Variants in ATP11B observed in about 807,000 individuals in gnomAD.
ATP11B encodes the protein ATPase phospholipid transporting 11B (putative).
Under a neutral mutation model 157.8 loss-of-function variants are expected in ATP11B, and 81 were observed. The ratio of observed to expected loss-of-function variants is 0.51; its 90% CI spans 0.43 to 0.62. The LOEUF (loss-of-function observed/expected upper bound fraction) is 0.62, where lower values mean the gene tolerates loss of function less well. Among genes scored for constraint, ATP11B ranks in the 20% least tolerant of loss-of-function variants. The pLI is 0.00. For synonymous variants in ATP11B, 451 were observed against 469.4 expected, an observed-to-expected ratio of 0.96 and a Z score of 0.51; for missense variants, 1,165 against 1,402.2, an observed-to-expected ratio of 0.83 and a Z score of 2.70.
Position 182,866,379 on chromosome 3 carries a change from C to T in ATP11B, c.1555C>T (p.Pro519Ser), listed in dbSNP as rs748520546. The T allele has an allele frequency of 1.2e-6, 2 of 1,613,814 alleles. No homozygotes were observed. Among genetic ancestry groups the T allele is most frequent in the Non-Finnish European group, 1.7e-6 (2 of 1,179,834 alleles). Residue 519 changes from proline to serine, a missense_variant, in exon 14 of 30, where the codon CCA becomes TCA. Pro to Ser is a moderately conservative substitution (Grantham distance 74). Coordinates refer to ENST00000323116, the MANE Select transcript of ATP11B (RefSeq NM_014616.3). Reference sequence around the variant, plus strand: ...TGGTCCCTGGCAATCCAACCTGGCACCATCGCAGTTGGAGTACTATGCATC... The same window carrying T: ...TGGTCCCTGGCAATCCAACCTGGCATCATCGCAGTTGGAGTACTATGCATC... ...GDGPWQSNLAPSQLEYYASSP... is the reference protein window; with the variant it reads ...GDGPWQSNLASSQLEYYASSP...
chr3:182,889,962 A>T (rs1723066935), intron 25 of ATP11B, among the ~76,000 whole-genome samples: 1 of 152,200 alleles, frequency 6.6e-6, no homozygotes, highest in Admixed American at 6.5e-5. Context: ...CCCATTTTTC[A>T]GATGGCAAAT....
chr3:182,852,040 G>T (rs1720019238), intron 10 of ATP11B, among the ~76,000 whole-genome samples: 1 of 152,172 alleles, frequency 6.6e-6, no homozygotes, highest in Non-Finnish European at 1.5e-5. Context: ...CATATGATGT[G>T]CCATAAAACC....
chr3:182,863,117 C>T (rs564110857), intron 12 of ATP11B, among the ~76,000 whole-genome samples: 17 of 151,882 alleles, frequency 1.1e-4, no homozygotes, highest in African/African-American at 3.1e-4. Flanking sequence ...GGGGTTTCAC[C>T]GTGGTCTCGA....
At chr3:182,800,538 T>C (rs1278175854) in intron 1 of ATP11B, among the ~76,000 whole-genome samples, 1 of 152,046 alleles carries the variant, frequency 6.6e-6, no homozygotes, top group East Asian at 1.9e-4. Flanking sequence ...GATGTTTGTA[T>C]TTAATTTTTT....
chr3:182,875,015 T>C (rs897523477), intron 19 of ATP11B, among the ~76,000 whole-genome samples: 2 of 152,176 alleles, frequency 1.3e-5, no homozygotes, highest in South Asian at 2.1e-4. Context: ...TAAGCTGCAT[T>C]TAATTGTTCA....
At chr3:182,916,723 A>G in intron 29 of ATP11B, 7 of 984,386 alleles carry the variant, frequency 7.1e-6, no homozygotes, top group Non-Finnish European at 8.4e-6. Context: ...TTTGAAAAAA[A>G]ATTTAAAATG....
At chr3:182,871,684 T>C (rs1364133612) in intron 17 of ATP11B, among the ~76,000 whole-genome samples, 4 of 152,062 alleles carry the variant, frequency 2.6e-5, no homozygotes, top group South Asian at 2.1e-4. Flanking sequence ...CTCTCTCTCT[T>C]GACAGTCTTG....
chr3:182,846,299 A>G (rs537788956), intron 9 of ATP11B, among the ~76,000 whole-genome samples: 3 of 139,574 alleles, frequency 2.1e-5, no homozygotes, highest in South Asian at 2.2e-4. Flanking sequence ...ATATGTCGAG[A>G]AAAAAAAAAA....
intron 28 of ATP11B, among the ~76,000 whole-genome samples, chr3:182,907,343 T>C (rs917205809): frequency 1.3e-5 from 2 of 152,226 alleles, no homozygotes; most frequent in Non-Finnish European, 2.9e-5. Flanking sequence ...GATGAAACTT[T>C]GTAACAAAGC....
chr3:182,803,029 G>A (rs1227401516), intron 1 of ATP11B, among the ~76,000 whole-genome samples: 1 of 152,044 alleles, frequency 6.6e-6, no homozygotes, highest in Non-Finnish European at 1.5e-5. Flanking sequence ...TATTCGGATT[G>A]TTGCCAATTT....
At chr3:182,861,281 T>G (rs374121237) in intron 12 of ATP11B, among the ~76,000 whole-genome samples, 245 of 152,236 alleles carry the variant, frequency 1.6e-3, no homozygotes, top group African/African-American at 5.2e-3. Flanking sequence ...GTCAGGCTGG[T>G]CTCAAACTCC....
At chr3:182,860,658 T>C (rs1720760731) in intron 12 of ATP11B, among the ~76,000 whole-genome samples, 1 of 152,192 alleles carries the variant, frequency 6.6e-6, no homozygotes, top group African/African-American at 2.4e-5. Context: ...GACCCTTTAA[T>C]TCTCTGACTT....
chr3:182,913,819 A>C (rs935411191), intron 28 of ATP11B, 42 bp from the exon 29 acceptor site: 2 of 1,613,672 alleles, frequency 1.2e-6, no homozygotes. Context: ...TCAGAAGTCC[A>C]TATCTTTAAA....
At chr3:182,840,797 G>A (rs79375346) in intron 7 of ATP11B, among the ~76,000 whole-genome samples, 13,774 of 152,018 alleles carry the variant, frequency 0.091, 655 homozygotes, top group Non-Finnish European at 0.1. Context: ...TCCTAGTTTT[G>A]TCTGAGCCAG....
At chr3:182,810,651 G>A (rs926474551) in intron 1 of ATP11B, among the ~76,000 whole-genome samples, 1 of 152,090 alleles carries the variant, frequency 6.6e-6, no homozygotes, top group Non-Finnish European at 1.5e-5. Context: ...ACCTCAGTGC[G>A]TTTTTTGTGC....
intron 28 of ATP11B, among the ~76,000 whole-genome samples, chr3:182,907,292 C>T (rs1384723415): frequency 6.6e-6 from 1 of 152,222 alleles, no homozygotes; most frequent in South Asian, 2.1e-4. Flanking sequence ...ATTGTAATTA[C>T]TAGTCAAGAA....
At chr3:182,916,338 GTA>G in intron 29 of ATP11B, 1 of 985,314 alleles carries the variant, frequency 1.0e-6, no homozygotes, top group Non-Finnish European at 1.2e-6. Flanking sequence ...CATTGACATA[GTA>G]AAGTCAAGAG....
intron 25 of ATP11B, among the ~76,000 whole-genome samples, chr3:182,895,726 G>A (rs1044945429): frequency 6.6e-5 from 10 of 152,130 alleles, no homozygotes; most frequent in Non-Finnish European, 1.3e-4. Context: ...GAGCCCACTG[G>A]CTGCTTACAG....
intron 23 of ATP11B, among the ~76,000 whole-genome samples, chr3:182,886,691 A>G (rs1429731826): frequency 6.6e-6 from 1 of 152,192 alleles, no homozygotes; most frequent in Non-Finnish European, 1.5e-5. Flanking sequence ...ACTTTGACCT[A>G]CTGCTTCTGA....
Sources: allele counts gnomAD v4.1 joint callset (sites outside exome capture counted in the v4.1 genomes callset), GRCh38; gene constraint gnomAD v4.1.1; transcripts MANE v1.5; gene names NCBI Gene and HGNC (gene_info 2026-07-23, HGNC 2026-07-21).